PCDH9: variants seen among roughly 807,000 people sequenced by gnomAD.
The protein encoded by PCDH9 is protocadherin-9.
Under a neutral mutation model 70.6 loss-of-function variants are expected in PCDH9, and 24 were observed. The ratio of observed to expected loss-of-function variants is 0.34; its 90% CI spans 0.25 to 0.48. The LOEUF is 0.48. Among genes scored for constraint, PCDH9 ranks in the 20% least tolerant of loss-of-function variants. The probability of loss-of-function intolerance (pLI) is 0.99; values close to 1 mark genes in which losing one functional copy is unlikely to be tolerated. For synonymous variants in PCDH9, 562 were observed against 558.5 expected, an observed-to-expected ratio of 1.01 and a Z score of -0.09; for missense variants, 1,281 against 1,503.6, an observed-to-expected ratio of 0.85 and a Z score of 2.45.
intron 4 of PCDH9, among the ~76,000 whole-genome samples, chr13:66,427,934 G>T: frequency 6.6e-6 from 1 of 151,650 alleles, no homozygotes; most frequent in East Asian, 1.9e-4. Context: ...AAGTAACACA[G>T]TAAGCAATAC....
chr13:67,087,117 G>A lies in PCDH9; in HGVS notation c.3036+138288C>T, dbSNP rs951419283. 2.0e-4 allele frequency among the ~76,000 whole-genome samples: 30 copies of A among 149,432 alleles called. No individual in the cohort carries two copies. In the East Asian group the frequency reaches 5.7e-3, roughly 29 times the overall value. On this transcript the variant is annotated intron_variant, in intron 2 of 4. Coordinates refer to ENST00000377865, the MANE Select transcript of PCDH9 (RefSeq NM_203487.3). ...AAAAAAAAAAAAAAAAAAATTAAAG[G>A]ATACAGAACAGTTGTAATTTTCCCC... is the stretch of plus-strand genomic sequence containing the variant.
At chr13:66,328,161 A>C (rs1411213913) in intron 4 of PCDH9, among the ~76,000 whole-genome samples, 1 of 152,206 alleles carries the variant, frequency 6.6e-6, no homozygotes, top group Non-Finnish European at 1.5e-5. Flanking sequence ...TCAAGGACAA[A>C]AATATTTTAT....
intron 4 of PCDH9, among the ~76,000 whole-genome samples, chr13:66,467,948 C>G (rs751722743): frequency 6.6e-6 from 1 of 151,898 alleles, no homozygotes; most frequent in Non-Finnish European, 1.5e-5. Context: ...TTACTAAATC[C>G]AACAGTGAAT....
At chr13:66,402,648 G>A (rs925516925) in intron 4 of PCDH9, among the ~76,000 whole-genome samples, 7 of 152,004 alleles carry the variant, frequency 4.6e-5, no homozygotes, top group African/African-American at 1.7e-4. Flanking sequence ...TCTTATTAAT[G>A]CTGACACACT....
chr13:67,132,348 T>G (rs752189623), intron 2 of PCDH9, among the ~76,000 whole-genome samples: 16 of 152,062 alleles, frequency 1.1e-4, no homozygotes, highest in Admixed American at 2.0e-4. Context: ...ACCTGCATCT[T>G]CCCCCATGCC....
intron 3 of PCDH9, among the ~76,000 whole-genome samples, chr13:66,732,369 A>G (rs1566155265): frequency 6.6e-6 from 1 of 151,948 alleles, no homozygotes; most frequent in East Asian, 1.9e-4. Flanking sequence ...AACTCAACAT[A>G]CTACTATTAT....
At chr13:67,037,459 T>C (rs2085032916) in intron 2 of PCDH9, among the ~76,000 whole-genome samples, 1 of 152,168 alleles carries the variant, frequency 6.6e-6, no homozygotes, top group Non-Finnish European at 1.5e-5. Context: ...TTTTAAAGGA[T>C]TTTTTGTTTG....
intron 2 of PCDH9, among the ~76,000 whole-genome samples, chr13:67,195,007 C>CT (rs1327303709): frequency 6.6e-6 from 1 of 152,080 alleles, no homozygotes; most frequent in Non-Finnish European, 1.5e-5. Context: ...AAATAGGAAC[C>CT]TGGATCACTT....
intron 4 of PCDH9, among the ~76,000 whole-genome samples, chr13:66,418,642 A>C (rs917808273): frequency 1.3e-5 from 2 of 152,176 alleles, no homozygotes; most frequent in Non-Finnish European, 2.9e-5. Context: ...AAAGTGGGAA[A>C]GATCTAAAAT....
chr13:66,683,751 T>C (rs2078361129), intron 3 of PCDH9, among the ~76,000 whole-genome samples: 1 of 152,198 alleles, frequency 6.6e-6, no homozygotes, highest in Admixed American at 6.5e-5. Flanking sequence ...GCCAGCTTAA[T>C]CTTTATTCTA....
chr13:66,416,392 T>C (rs539198344), intron 4 of PCDH9, among the ~76,000 whole-genome samples: 10 of 152,000 alleles, frequency 6.6e-5, no homozygotes, highest in South Asian at 4.2e-4. Context: ...CTTCAGATCA[T>C]ATCTAGGACC....
At chr13:66,565,207 T>G (rs1406740580) in intron 4 of PCDH9, among the ~76,000 whole-genome samples, 1 of 152,176 alleles carries the variant, frequency 6.6e-6, no homozygotes, top group African/African-American at 2.4e-5. Context: ...GAACTAATGT[T>G]TTTCACTTTG....
chr13:66,836,691 G>A (rs916109601), intron 3 of PCDH9, among the ~76,000 whole-genome samples: 2 of 152,172 alleles, frequency 1.3e-5, no homozygotes, highest in Admixed American at 1.3e-4. Flanking sequence ...GTCTAGAAGA[G>A]TTTCTAGGGC....
intron 2 of PCDH9, among the ~76,000 whole-genome samples, chr13:66,959,716 A>C (rs960445899): frequency 8.0e-5 from 12 of 150,452 alleles, no homozygotes; most frequent in African/African-American, 2.4e-4. Context: ...GCATCACTGC[A>C]CTCCACCCTG....
intron 4 of PCDH9, among the ~76,000 whole-genome samples, chr13:66,391,960 GTT>G (rs1376770457): frequency 2.1e-5 from 3 of 143,194 alleles, no homozygotes; most frequent in African/African-American, 7.8e-5. Context: ...GTTTTGTTTT[GTT>G]TTTTAAATTT....
intron 2 of PCDH9, chr13:67,204,523 G>C (rs550199297): frequency 6.6e-6 from 1 of 152,146 alleles, no homozygotes; most frequent in East Asian, 1.9e-4. Flanking sequence ...CCATAATTGT[G>C]GAGGTAGAAA....
At chr13:66,503,985 C>T (rs1158532968) in intron 4 of PCDH9, among the ~76,000 whole-genome samples, 1 of 152,176 alleles carries the variant, frequency 6.6e-6, no homozygotes, top group African/African-American at 2.4e-5. Flanking sequence ...GTCGTAACTA[C>T]GTGTCCAACT....
At chr13:66,922,286 A>G (rs2082649115) in intron 2 of PCDH9, among the ~76,000 whole-genome samples, 1 of 151,346 alleles carries the variant, frequency 6.6e-6, no homozygotes, top group Non-Finnish European at 1.5e-5. Context: ...ATCTAGCTGT[A>G]AATGTCATGT....
chr13:66,914,216 G>A (rs959194194), intron 2 of PCDH9, among the ~76,000 whole-genome samples: 11 of 151,810 alleles, frequency 7.2e-5, no homozygotes, highest in African/African-American at 2.4e-4. Flanking sequence ...TCTTAAAAAT[G>A]TTTCTTCTTA....
Sources: allele counts gnomAD v4.1 joint callset (sites outside exome capture counted in the v4.1 genomes callset), GRCh38; gene constraint gnomAD v4.1.1; transcripts MANE v1.5; gene names NCBI Gene and HGNC (gene_info 2026-07-23, HGNC 2026-07-21).